Variants in DMXL2 observed in about 807,000 individuals in gnomAD.
DMXL2 encodes dmX-like protein 2.
DMXL2 carries 103 observed loss-of-function variants against 331.1 expected under a neutral mutation model. That is an observed-to-expected ratio of 0.31 (90% CI 0.27 to 0.37). DMXL2 has a LOEUF of 0.37. DMXL2 is among the 10% of genes least tolerant of loss of function. The pLI, the probability that DMXL2 is intolerant of heterozygous loss-of-function variation, is 1.00. For missense variants in DMXL2, 3,171 were observed against 3,642.9 expected (o/e 0.87, Z 3.33); for synonymous variants, 1,281 against 1,252.1 (o/e 1.02, Z -0.49).
intron 8 of DMXL2, 127 bp from the exon 9 acceptor site, chr15:51,542,634 CTT>C (rs1248427050): frequency 2.1e-5 from 14 of 658,924 alleles, no homozygotes. Context: ...TTAAAGGAAA[CTT>C]TTTAAATTAC....
chr15:51,476,704 T>A lies in DMXL2; in HGVS notation c.6849A>T (p.Gly2283=), dbSNP rs776786543. 6.2e-7 allele frequency: 1 copy of A among 1,600,914 alleles called. No individual in the cohort carries two copies. The highest frequency in any genetic ancestry group is 8.5e-7 in the Non-Finnish European group (1 of 1,176,642). The change falls in exon 27 of 44, where the codon GGA becomes GGT. Residue 2283 remains glycine, a synonymous_variant. Transcript: ENST00000560891. The part of the protein sequence containing the change: ...DSHSYSSQTE[G]NQFTGMAYQG... ...GATAAGCCATTCCTGTAAACTGATT[T>A]CCTTCTGTTTGACTGCTAAAACAAA...
chr15:51,570,597 G>A (rs139562318), intron 2 of DMXL2, among the ~76,000 whole-genome samples: 2 of 152,230 alleles, frequency 1.3e-5, no homozygotes, highest in Middle Eastern at 3.4e-3. Flanking sequence ...CAGATCTCTT[G>A]GAAGAAACCC....
Position 51,514,536 on chromosome 15 carries a change from A to T in DMXL2, c.2550T>A (p.Leu850=), listed in dbSNP as rs1186882396. ...TAATGAAGTCTTCTTGAAACACATG[A>T]AGCAACTGTGTATTTGAGCCACACT... The part of the protein sequence containing the change: ...TNQCGSNTQL[L]HVFQEDFIIG... The change falls in exon 15 of 44, where the codon CTT becomes CTA. Residue 850 remains leucine (L), a synonymous_variant. Coordinates refer to ENST00000560891, the MANE Select transcript of DMXL2 (RefSeq NM_001378457.1). 6.3e-6 allele frequency: 10 copies of T among 1,591,900 alleles called. No homozygotes were observed. Among genetic ancestry groups the T allele is most frequent in the Non-Finnish European group, 8.6e-6 (10 of 1,169,578 alleles).
chr15:51,615,163 T>G (rs1202030729), intron 1 of DMXL2, among the ~76,000 whole-genome samples: 1 of 152,192 alleles, frequency 6.6e-6, no homozygotes, highest in Admixed American at 6.5e-5. Flanking sequence ...GAAAATGTTA[T>G]GAGGTCTTTG....
At chr15:51,500,981 T>C (rs946183652) in intron 17 of DMXL2, among the ~76,000 whole-genome samples, 1 of 152,230 alleles carries the variant, frequency 6.6e-6, no homozygotes, top group Non-Finnish European at 1.5e-5. Context: ...TCTAAACAAT[T>C]GGGATCAGTT....
chr15:51,566,235 GTGTGTGTGTGTGT>G (rs1567126702), intron 3 of DMXL2, among the ~76,000 whole-genome samples: 6 of 1,616 alleles, frequency 3.7e-3, no homozygotes, highest in South Asian at 0.048. Context: ...TGTGTGGGGT[GTGTGTGTGTGTGT>G]GTGTGTGTGT....
intron 21 of DMXL2, 147 bp downstream of exon 21, chr15:51,488,401 C>T (rs1262605526): frequency 2.1e-5 from 16 of 760,614 alleles, no homozygotes; most frequent in Non-Finnish European, 3.2e-5. Context: ...AGATATTTTA[C>T]CCATTTTTTT....
chr15:51,460,250 C>A, intron 33 of DMXL2: 2 of 985,570 alleles, frequency 2.0e-6, no homozygotes, highest in Non-Finnish European at 1.2e-6. Flanking sequence ...GCTGTGGAAA[C>A]TCTGAAGGTT....
intron 1 of DMXL2, among the ~76,000 whole-genome samples, chr15:51,610,837 A>G (rs75603002): frequency 0.12 from 18,930 of 152,136 alleles, 1,520 homozygotes; most frequent in East Asian, 0.46. Context: ...CTAGAAGTAC[A>G]TACCGCATGC....
At chr15:51,615,908 T>G (rs2054256674) in intron 1 of DMXL2, among the ~76,000 whole-genome samples, 1 of 152,244 alleles carries the variant, frequency 6.6e-6, no homozygotes, top group Non-Finnish European at 1.5e-5. Flanking sequence ...GTTTATGAGT[T>G]TTTTGTGTCC....
chr15:51,493,405 T>C (rs987511061), intron 19 of DMXL2, among the ~76,000 whole-genome samples: 1 of 152,112 alleles, frequency 6.6e-6, no homozygotes, highest in Non-Finnish European at 1.5e-5. Flanking sequence ...GTTCAGAAAG[T>C]AAGATTAAGA....
intron 23 of DMXL2, among the ~76,000 whole-genome samples, chr15:51,483,207 A>G (rs1011535930): frequency 1.3e-5 from 2 of 152,162 alleles, no homozygotes; most frequent in African/African-American, 4.8e-5. Context: ...CCAGATTAGG[A>G]GCATAAGGTG....
intron 29 of DMXL2, among the ~76,000 whole-genome samples, chr15:51,470,602 T>C (rs1460618137): frequency 1.3e-5 from 2 of 152,212 alleles, no homozygotes; most frequent in Non-Finnish European, 2.9e-5. Flanking sequence ...TTCCCTCATG[T>C]GTATGCACAG....
chr15:51,585,387 CAT>C (rs2051730149), intron 1 of DMXL2, among the ~76,000 whole-genome samples: 1 of 151,784 alleles, frequency 6.6e-6, no homozygotes, highest in African/African-American at 2.4e-5. Flanking sequence ...TTGAGATAAT[CAT>C]GTGGTTTTTG....
At chr15:51,554,549 A>G (rs2049428824) in intron 6 of DMXL2, among the ~76,000 whole-genome samples, 1 of 152,262 alleles carries the variant, frequency 6.6e-6, no homozygotes, top group Non-Finnish European at 1.5e-5. Context: ...AAGACATTAC[A>G]GAAAATTCTT....
At chr15:51,618,300 A>G (rs1224617453) in intron 1 of DMXL2, among the ~76,000 whole-genome samples, 1 of 141,096 alleles carries the variant, frequency 7.1e-6, no homozygotes, top group Non-Finnish European at 1.5e-5. Flanking sequence ...AATCAAGACT[A>G]TGTCTTGTAA....
intron 6 of DMXL2, among the ~76,000 whole-genome samples, chr15:51,558,000 T>G (rs952949781): frequency 6.6e-6 from 1 of 152,250 alleles, no homozygotes; most frequent in African/African-American, 2.4e-5. Context: ...AAAGATACTT[T>G]TGACACATCA....
chr15:51,563,058 C>T (rs537788039), intron 6 of DMXL2, among the ~76,000 whole-genome samples: 22 of 152,088 alleles, frequency 1.4e-4, no homozygotes, highest in Non-Finnish European at 2.5e-4. Context: ...GCAAGCAGTA[C>T]ATCTTTTCAT....
At chr15:51,560,712 T>C (rs1282953587) in intron 6 of DMXL2, among the ~76,000 whole-genome samples, 2 of 150,574 alleles carry the variant, frequency 1.3e-5, no homozygotes, top group Non-Finnish European at 3.0e-5. Context: ...ACACAAACTC[T>C]GTTAAGTTCA....
Sources: gnomAD v4.1 joint callset for allele counts (sites outside exome capture counted in the v4.1 genomes callset) on GRCh38, gnomAD v4.1.1 for gene constraint, MANE v1.5 for transcripts, NCBI Gene and HGNC (gene_info 2026-07-23, HGNC 2026-07-21) for gene names.